The following FHIT variants were observed in gnomAD, a reference collection of about 807,000 sequenced individuals.
The protein encoded by FHIT is bis(5'-adenosyl)-triphosphatase.
In FHIT, 19 loss-of-function variants were observed where a neutral mutation model predicts 17.9. That is an observed-to-expected ratio of 1.06 (90% confidence interval 0.74 to 1.56). The LOEUF (loss-of-function observed/expected upper bound fraction) is 1.56. Among genes scored for constraint, FHIT ranks in the 40% most tolerant of loss-of-function variants. The pLI, the probability that FHIT is intolerant of heterozygous loss-of-function variation, is 0.00. For synonymous variants in FHIT, 81 were observed against 69.7 expected (o/e 1.16, Z -0.81); for missense variants, 248 against 189.2 (o/e 1.31, Z -1.82).
At chr3:59,840,377 C>A (rs1701488416) in intron 8 of FHIT, among the ~76,000 whole-genome samples, 1 of 134,966 alleles carries the variant, frequency 7.4e-6, no homozygotes, top group Non-Finnish European at 1.6e-5. Flanking sequence ...CATCATGTCA[C>A]CAGATTATCC....
At chr3:60,963,047 TC>T (rs1345714222) in intron 3 of FHIT, among the ~76,000 whole-genome samples, 1 of 152,206 alleles carries the variant, frequency 6.6e-6, no homozygotes, top group African/African-American at 2.4e-5. Context: ...CGGCTGTGAA[TC>T]CATCTGGTCC....
rs74758984 is a variant in FHIT, at chr3:59,747,308, C to A, written c.*2277G>T. 6.6e-5 allele frequency among the ~76,000 whole-genome samples: 10 copies of A among 152,168 alleles called. No homozygotes were observed. The East Asian group carries it at 1.9e-3, about 29-fold the overall frequency. On this transcript the variant is annotated 3_prime_UTR_variant, in exon 10 of 10. Coordinates refer to ENST00000492590, the MANE Select transcript of FHIT (RefSeq NM_002012.4). The stretch of plus-strand genomic sequence containing the variant: ...ATAAAGGAATGAGGTTTAATGGACT[C>A]GCAATCATGGAGGAAGGCAAAAGAG...
chr3:61,046,574 T>C (rs911647134), intron 2 of FHIT, among the ~76,000 whole-genome samples: 1 of 152,210 alleles, frequency 6.6e-6, no homozygotes, highest in Non-Finnish European at 1.5e-5. Context: ...AAAGAGGACC[T>C]GGTACCGTTG....
intron 3 of FHIT, among the ~76,000 whole-genome samples, chr3:60,849,441 A>AATATAT (rs10662932): frequency 0.044 from 6,058 of 137,592 alleles, 418 homozygotes; most frequent in African/African-American, 0.12. Context: ...ACAAAAATGA[A>AATATAT]ATATATATAT....
chr3:61,180,087 T>C (rs1009407082), intron 2 of FHIT, among the ~76,000 whole-genome samples: 1 of 152,208 alleles, frequency 6.6e-6, no homozygotes, highest in African/African-American at 2.4e-5. Context: ...AGTTTGACTT[T>C]ACAAACTATT....
chr3:60,547,106 T>C (rs1388942174), intron 4 of FHIT, among the ~76,000 whole-genome samples: 1 of 152,222 alleles, frequency 6.6e-6, no homozygotes, highest in East Asian at 1.9e-4. Flanking sequence ...CTGAGATAAA[T>C]ATTAAATACT....
chr3:60,726,418 T>A (rs1190120735), intron 4 of FHIT, among the ~76,000 whole-genome samples: 1 of 152,182 alleles, frequency 6.6e-6, no homozygotes, highest in East Asian at 1.9e-4. Flanking sequence ...TGTTTGTCTA[T>A]AGGGCAAAAT....
At chr3:61,011,868 A>T (rs1181609034) in intron 3 of FHIT, among the ~76,000 whole-genome samples, 1 of 152,172 alleles carries the variant, frequency 6.6e-6, no homozygotes, top group African/African-American at 2.4e-5. Context: ...CATATCAGCC[A>T]ATCTATTTCA....
chr3:60,055,831 A>C (rs988667706), intron 5 of FHIT, among the ~76,000 whole-genome samples: 4 of 151,928 alleles, frequency 2.6e-5, no homozygotes, highest in African/African-American at 9.7e-5. Context: ...GCTTACACTC[A>C]CTCCCCACTC....
chr3:60,991,745 T>C (rs980165879), intron 3 of FHIT, among the ~76,000 whole-genome samples: 9 of 152,296 alleles, frequency 5.9e-5, no homozygotes, highest in East Asian at 1.9e-4. Flanking sequence ...TAACACATAA[T>C]ACAGAGTAGT....
chr3:60,936,196 CT>C (rs1553773023), intron 3 of FHIT, among the ~76,000 whole-genome samples: 1 of 152,276 alleles, frequency 6.6e-6, no homozygotes, highest in African/African-American at 2.4e-5. Context: ...AAGGGTTCCA[CT>C]TTTAATACGC....
At chr3:60,613,943 A>G (rs1412475869) in intron 4 of FHIT, among the ~76,000 whole-genome samples, 1 of 152,130 alleles carries the variant, frequency 6.6e-6, no homozygotes, top group Non-Finnish European at 1.5e-5. Context: ...TATCAGCTCA[A>G]CAGGATCAAC....
At chr3:60,081,211 G>C (rs1159306828) in intron 5 of FHIT, among the ~76,000 whole-genome samples, 1 of 152,110 alleles carries the variant, frequency 6.6e-6, no homozygotes, top group African/African-American at 2.4e-5. Flanking sequence ...CCCAGGTCTG[G>C]TGAGCCTGAA....
chr3:60,715,678 G>A (rs2041665274), intron 4 of FHIT, among the ~76,000 whole-genome samples: 1 of 151,044 alleles, frequency 6.6e-6, no homozygotes, highest in Non-Finnish European at 1.5e-5. Context: ...GCTAAATGAT[G>A]AGTTAATGGG....
chr3:60,218,012 T>C (rs1040297640), intron 5 of FHIT, among the ~76,000 whole-genome samples: 2 of 152,186 alleles, frequency 1.3e-5, no homozygotes, highest in Non-Finnish European at 2.9e-5. Context: ...TTTTGAAAAA[T>C]TGTTAATTCT....
chr3:60,075,800 G>C (rs1423012578), intron 5 of FHIT, among the ~76,000 whole-genome samples: 2 of 152,034 alleles, frequency 1.3e-5, no homozygotes, highest in Non-Finnish European at 1.5e-5. Flanking sequence ...TCCTGGTCCT[G>C]AGGCCTGGCA....
At chr3:59,761,612 T>TTTA (rs1447596843) in intron 8 of FHIT, among the ~76,000 whole-genome samples, 4 of 147,386 alleles carry the variant, frequency 2.7e-5, no homozygotes, top group African/African-American at 9.9e-5. Flanking sequence ...ATTTATTTTA[T>TTTA]TTTTTTTTTT....
At chr3:61,234,198 A>G (rs149359388) in intron 1 of FHIT, among the ~76,000 whole-genome samples, 1,905 of 152,270 alleles carry the variant, frequency 0.013, 22 homozygotes, top group Middle Eastern at 0.031. Flanking sequence ...TTCGAGATCC[A>G]TAGGGGAGCA....
At chr3:60,178,141 T>C (rs1025605912) in intron 5 of FHIT, among the ~76,000 whole-genome samples, 1 of 152,220 alleles carries the variant, frequency 6.6e-6, no homozygotes, top group African/African-American at 2.4e-5. Flanking sequence ...CTGAGGAGGA[T>C]AGCTGGCTAT....
Sources: allele counts gnomAD v4.1 joint callset (sites outside exome capture counted in the v4.1 genomes callset), GRCh38; gene constraint gnomAD v4.1.1; transcripts MANE v1.5; gene names NCBI Gene and HGNC (gene_info 2026-07-23, HGNC 2026-07-21).